TMEM132C: variants seen among roughly 807,000 people sequenced by gnomAD.
TMEM132C encodes protein phosphatase 1, regulatory subunit 152.
In TMEM132C, 29 loss-of-function variants were observed where a neutral mutation model predicts 61.4. That is an observed-to-expected ratio of 0.47 (90% CI 0.35 to 0.64). TMEM132C has a LOEUF of 0.64. Ranked by LOEUF, TMEM132C falls within the 30% of genes least tolerant of loss-of-function variation. The pLI is 0.00. For synonymous variants in TMEM132C, 656 were observed against 633.1 expected, an observed-to-expected ratio of 1.04 and a Z score of -0.54; for missense variants, 1,408 against 1,476.9, an observed-to-expected ratio of 0.95 and a Z score of 0.76.
At chr12:128,282,305 T>A (rs1321928073) in intron 1 of TMEM132C, among the ~76,000 whole-genome samples, 1 of 152,218 alleles carries the variant, frequency 6.6e-6, no homozygotes, top group Non-Finnish European at 1.5e-5. Flanking sequence ...TATAAAGAAT[T>A]CCCCTGAGAC....
intron 3 of TMEM132C, among the ~76,000 whole-genome samples, chr12:128,600,437 C>T (rs1344394373): frequency 6.6e-6 from 1 of 152,212 alleles, no homozygotes; most frequent in Non-Finnish European, 1.5e-5. Flanking sequence ...AATTAAGCCT[C>T]TTTCCTTTAT....
In TMEM132C at chr12:128,570,887, GC is replaced by G. The variant is rs1874853540; in HGVS notation, c.1121+26786del. Among the ~76,000 whole-genome samples the G allele has an allele frequency of 6.6e-6, 1 of 152,208 alleles. No individual in the cohort carries two copies. The highest frequency in any genetic ancestry group is 2.1e-4 in the South Asian group (1 of 4,828). On this transcript the variant is annotated intron_variant, in intron 3 of 8. Transcript: ENST00000435159. This position sits in a 1 kb window ranked among gnomAD's most constrained non-coding sequence, Gnocchi z 4.7. ...CTCATGGCTGAATGGGACCCGTAGAGCCACTCCTAGCAATAAGGAAGTCTGG... is the reference window on the plus strand; with the variant it reads ...CTCATGGCTGAATGGGACCCGTAGAGCACTCCTAGCAATAAGGAAGTCTGG...
At chr12:128,595,294 T>C (rs1401987811) in intron 3 of TMEM132C, among the ~76,000 whole-genome samples, 1 of 152,172 alleles carries the variant, frequency 6.6e-6, no homozygotes, top group Non-Finnish European at 1.5e-5. Context: ...ATGAAAGAGT[T>C]TGACATGATT....
At chr12:128,306,281 C>T (rs2135922953) in intron 1 of TMEM132C, among the ~76,000 whole-genome samples, 1 of 149,470 alleles carries the variant, frequency 6.7e-6, no homozygotes, top group East Asian at 2.0e-4. Flanking sequence ...CAGCTCACTG[C>T]AAGCTCTGCC....
chr12:128,524,558 A>G (rs1284936221), intron 2 of TMEM132C, among the ~76,000 whole-genome samples: 1 of 152,152 alleles, frequency 6.6e-6, no homozygotes, highest in African/African-American at 2.4e-5. Flanking sequence ...ACTCCAGGGT[A>G]GAATTCATCA....
intron 3 of TMEM132C, among the ~76,000 whole-genome samples, chr12:128,597,480 G>A (rs1314722518): frequency 2.4e-5 from 2 of 83,350 alleles, no homozygotes; most frequent in African/African-American, 8.0e-5. Context: ...GAGAGAGGAA[G>A]GAAGGAAGGA....
At chr12:128,651,304 C>T (rs539348639) in intron 4 of TMEM132C, among the ~76,000 whole-genome samples, 1 of 152,312 alleles carries the variant, frequency 6.6e-6, no homozygotes, top group Admixed American at 6.5e-5. Context: ...GCAGCCCAAG[C>T]ACAGGGCCCT....
chr12:128,477,961 CAT>C (rs1248920658), intron 2 of TMEM132C, among the ~76,000 whole-genome samples: 3 of 152,162 alleles, frequency 2.0e-5, no homozygotes, highest in Non-Finnish European at 2.9e-5. Flanking sequence ...TGGGCAAGAA[CAT>C]ATGTTTATCC....
At chr12:128,438,587 A>G (rs1207095505) in intron 2 of TMEM132C, among the ~76,000 whole-genome samples, 1 of 152,212 alleles carries the variant, frequency 6.6e-6, no homozygotes, top group Admixed American at 6.5e-5. Context: ...TGTACTAAGA[A>G]CACCCACTTT....
At chr12:128,524,312 C>T (rs1873012487) in intron 2 of TMEM132C, among the ~76,000 whole-genome samples, 1 of 152,184 alleles carries the variant, frequency 6.6e-6, no homozygotes, top group African/African-American at 2.4e-5. Context: ...ATTCAAAACA[C>T]TAACGGTGGC....
intron 1 of TMEM132C, among the ~76,000 whole-genome samples, chr12:128,309,622 G>A (rs1871904215): frequency 2.0e-5 from 3 of 151,464 alleles, no homozygotes; most frequent in Non-Finnish European, 4.4e-5. Context: ...CACATAAATG[G>A]AATCCTACAA....
At chr12:128,353,608 G>T (rs947562417) in intron 1 of TMEM132C, among the ~76,000 whole-genome samples, 1 of 152,184 alleles carries the variant, frequency 6.6e-6, no homozygotes, top group Non-Finnish European at 1.5e-5. Flanking sequence ...TTTTATTGGG[G>T]TGTTGCTTCC....
intron 1 of TMEM132C, among the ~76,000 whole-genome samples, chr12:128,280,690 C>G (rs1454269229): frequency 2.0e-5 from 3 of 152,140 alleles, no homozygotes; most frequent in Non-Finnish European, 2.9e-5. Flanking sequence ...ATTTACTCGG[C>G]CTGTTATACT....
chr12:128,347,122 T>C (rs1375979175), intron 1 of TMEM132C, among the ~76,000 whole-genome samples: 1 of 152,160 alleles, frequency 6.6e-6, no homozygotes, highest in Non-Finnish European at 1.5e-5. Flanking sequence ...ATATCCTTCT[T>C]ATGTCCTGGC....
intron 5 of TMEM132C, among the ~76,000 whole-genome samples, chr12:128,672,653 G>A (rs75223966): frequency 0.013 from 1,938 of 152,310 alleles, 49 homozygotes; most frequent in African/African-American, 0.044. Flanking sequence ...AGAGCAGGCA[G>A]GCTCAGTGTA....
At chr12:128,479,730 C>T (rs371546499) in intron 2 of TMEM132C, among the ~76,000 whole-genome samples, 1 of 152,160 alleles carries the variant, frequency 6.6e-6, no homozygotes, top group Non-Finnish European at 1.5e-5. Flanking sequence ...GACCCGGGCC[C>T]CAGCTCTGCT....
chr12:128,618,290 T>C (rs1303847619), intron 4 of TMEM132C, among the ~76,000 whole-genome samples: 1 of 152,248 alleles, frequency 6.6e-6, no homozygotes, highest in Non-Finnish European at 1.5e-5. Context: ...GGATGTATTG[T>C]TATTCTTGTG....
At chr12:128,505,038 A>G (rs998510758) in intron 2 of TMEM132C, among the ~76,000 whole-genome samples, 2 of 127,456 alleles carry the variant, frequency 1.6e-5, no homozygotes, top group Admixed American at 1.5e-4. Context: ...TGAATATCTC[A>G]TAGCCCTGGC....
intron 1 of TMEM132C, among the ~76,000 whole-genome samples, chr12:128,384,642 A>G (rs1333815912): frequency 6.6e-6 from 1 of 152,108 alleles, no homozygotes. Context: ...GGGTTGGATC[A>G]GTCTTGTTCA....
Sources: gnomAD v4.1 joint callset for allele counts (sites outside exome capture counted in the v4.1 genomes callset) on GRCh38, gnomAD v4.1.1 for gene constraint, Gnocchi (gnomAD v3.1) non-coding constraint, MANE v1.5 for transcripts, NCBI Gene and HGNC (gene_info 2026-07-23, HGNC 2026-07-21) for gene names.